EBF1: variants seen among roughly 807,000 people sequenced by gnomAD.
EBF1 encodes EBF transcription factor 1.
In EBF1, 10 loss-of-function variants were observed where a neutral mutation model predicts 68.4. That is an observed-to-expected ratio of 0.15 (90% CI 0.09 to 0.25). The LOEUF (loss-of-function observed/expected upper bound fraction) is 0.25. EBF1 is among the 10% of genes least tolerant of loss of function. EBF1 has a pLI of 1.00. For missense variants in EBF1, 509 were observed against 794.4 expected (o/e 0.64, Z 4.32); for synonymous variants, 298 against 299.8 (o/e 0.99, Z 0.06).
At chr5:158,828,734 C>A (rs1786785774) in intron 7 of EBF1, among the ~76,000 whole-genome samples, 1 of 152,054 alleles carries the variant, frequency 6.6e-6, no homozygotes, top group Non-Finnish European at 1.5e-5. Flanking sequence ...TGCATGTAAA[C>A]CTAAAATTAT....
At chr5:158,796,244 G>T in intron 9 of EBF1, 101 bp downstream of exon 9, 1 of 1,256,180 alleles carries the variant, frequency 8.0e-7, no homozygotes, top group Non-Finnish European at 1.0e-6. Flanking sequence ...CCCACCCAGA[G>T]CGGCACCACT....
Position 159,080,603 on chromosome 5 carries a change from C to G in EBF1, c.485+4063G>C, listed in dbSNP as rs567292453. On this transcript the variant is annotated intron_variant, in intron 5 of 15. Coordinates refer to ENST00000313708, the MANE Select transcript of EBF1 (RefSeq NM_024007.5). ...ACTGCGCACCAAGTACTTAGCCCCA[C>G]ACTGCAAATATTGCTGTTACTGCTT... 9.5e-4 allele frequency among the ~76,000 whole-genome samples: 145 copies of G among 152,352 alleles called. 1 individual carries two copies. Among genetic ancestry groups the G allele is most frequent in the African/African-American group, 3.3e-3 (137 of 41,578 alleles).
At chr5:158,900,817 G>A (rs1194533519) in intron 6 of EBF1, among the ~76,000 whole-genome samples, 1 of 152,110 alleles carries the variant, frequency 6.6e-6, no homozygotes, top group African/African-American at 2.4e-5. Context: ...GAAGAGGAAA[G>A]TAAAGTGGAA....
chr5:158,863,909 C>T (rs1795400166), intron 6 of EBF1, among the ~76,000 whole-genome samples: 1 of 152,082 alleles, frequency 6.6e-6, no homozygotes, highest in Non-Finnish European at 1.5e-5. Context: ...GCAGAGACTC[C>T]TCACAGAGTT....
chr5:158,822,736 T>C (rs1785134563), intron 8 of EBF1, among the ~76,000 whole-genome samples: 1 of 152,188 alleles, frequency 6.6e-6, no homozygotes, highest in Non-Finnish European at 1.5e-5. Flanking sequence ...AGGAGGGTGG[T>C]AAAGAGGATG....
At chr5:158,974,314 T>C (rs1756271442) in intron 6 of EBF1, among the ~76,000 whole-genome samples, 1 of 152,222 alleles carries the variant, frequency 6.6e-6, no homozygotes, top group Non-Finnish European at 1.5e-5. Context: ...TGGTAACCTA[T>C]GTTCACAGCC....
chr5:159,017,124 T>A (rs1340399449), intron 6 of EBF1, among the ~76,000 whole-genome samples: 2 of 100,788 alleles, frequency 2.0e-5, no homozygotes, highest in Non-Finnish European at 5.2e-5. Flanking sequence ...TTATTGATGC[T>A]TTTCATAATA....
At chr5:159,072,301 A>G (rs1375967491) in intron 6 of EBF1, among the ~76,000 whole-genome samples, 1 of 152,192 alleles carries the variant, frequency 6.6e-6, no homozygotes, top group East Asian at 1.9e-4. Context: ...AAAATCAACA[A>G]TCGATCTTTT....
rs541896790 is a variant in EBF1 at position 158,840,213 on chromosome 5, G to A, written c.555-103C>T. On this transcript the variant is annotated intron_variant, in intron 6 of 15. Transcript: ENST00000313708. ...GTTGTGCATTCGATTCTCTTTACAT[G>A]TTTTCTGAAATATTCAGCATGGTGT... 4 of 837,194 alleles carry A rather than the reference G, an allele frequency of 4.8e-6. No individual in the cohort carries two copies. The Admixed American group carries it at 8.9e-5, about 19-fold the overall frequency. The allele number at this position is 837,194 out of a possible 1,614,324, so 51.9% of individuals were successfully genotyped here.
chr5:158,796,402 C>T lies in EBF1; in HGVS notation c.852G>A (p.Gly284=), dbSNP rs750477409. 7.4e-5 allele frequency: 120 copies of T among 1,613,610 alleles called. 1 individual carries two copies. The highest frequency in any genetic ancestry group is 9.8e-5 in the Non-Finnish European group (116 of 1,179,764). ...CCTGTAACCCATCAAAGAAATTGTC[C>T]CCTATGATGATCACAGTCGCACCTC... ...TTGGATVIII[G]DNFFDGLQVI... Residue 284 remains glycine (G), a synonymous_variant, in exon 9 of 16, where the codon GGG becomes GGA. Coordinates refer to ENST00000313708, the MANE Select transcript of EBF1 (RefSeq NM_024007.5).
At chr5:158,717,643 T>A (rs561330218) in intron 11 of EBF1, among the ~76,000 whole-genome samples, 1 of 152,176 alleles carries the variant, frequency 6.6e-6, no homozygotes, top group East Asian at 1.9e-4. Context: ...TTTTTTTTTT[T>A]TAAAAATCCC....
rs1164386501 is a variant in EBF1 at position 158,697,085 on chromosome 5, T to C, written c.*2026A>G. 2 of 189,352 alleles carry C rather than the reference T, an allele frequency of 1.1e-5. No individual in the cohort carries two copies. The highest frequency in any genetic ancestry group is 6.2e-5 in the Admixed American group (1 of 16,184). 11.7% of individuals were successfully genotyped at this position (189,352 alleles called of 1,614,324 possible). A position where few individuals can be genotyped will look rare whatever the true frequency, so the allele number is the denominator to read the frequency against. ...ACAAGCAGACTTAAGAAAGAAAGTA[T>C]GTTCATTGATTTCTATGAAGTTTCT... On this transcript the variant is annotated 3_prime_UTR_variant, in exon 16 of 16. Transcript: ENST00000313708.
intron 6 of EBF1, among the ~76,000 whole-genome samples, chr5:158,864,223 C>CA (rs34498854): frequency 0.087 from 5,057 of 58,272 alleles, 561 homozygotes; most frequent in Non-Finnish European, 0.13. Flanking sequence ...GACTCTGTCT[C>CA]AAAAAAAAAA....
chr5:158,853,152 G>A (rs1437643491), intron 6 of EBF1, among the ~76,000 whole-genome samples: 1 of 152,138 alleles, frequency 6.6e-6, no homozygotes, highest in Non-Finnish European at 1.5e-5. Flanking sequence ...TTTTTATTCT[G>A]TTTTGATAAC....
intron 6 of EBF1, among the ~76,000 whole-genome samples, chr5:158,880,307 C>A (rs1562202177): frequency 6.6e-6 from 1 of 152,150 alleles, no homozygotes; most frequent in African/African-American, 2.4e-5. Context: ...ACCTGAGAAA[C>A]CGCAGCTTTA....
intron 13 of EBF1, 82 bp downstream of exon 13, chr5:158,712,888 A>C: frequency 1.5e-6 from 2 of 1,293,240 alleles, no homozygotes; most frequent in Non-Finnish European, 2.0e-6. Context: ...ATAATTTTTT[A>C]ATGTAAAAAT....
intron 6 of EBF1, among the ~76,000 whole-genome samples, chr5:158,881,507 G>A (rs1036024142): frequency 1.3e-5 from 2 of 152,184 alleles, no homozygotes; most frequent in Non-Finnish European, 1.5e-5. Flanking sequence ...AGGGCATTTG[G>A]CTGTCTTTTG....
At chr5:158,706,942 T>C (rs1189317535) in intron 15 of EBF1, among the ~76,000 whole-genome samples, 3 of 152,208 alleles carry the variant, frequency 2.0e-5, no homozygotes, top group Non-Finnish European at 4.4e-5. Context: ...GCTCAATAAA[T>C]GGTGGTTGAC....
chr5:158,768,509 G>A (rs1472737894), intron 10 of EBF1, among the ~76,000 whole-genome samples: 1 of 151,924 alleles, frequency 6.6e-6, no homozygotes, highest in Admixed American at 6.6e-5. Flanking sequence ...ACAAGAAACC[G>A]GTAGGAATGT....
Sources: gnomAD v4.1 joint callset for allele counts (sites outside exome capture counted in the v4.1 genomes callset) on GRCh38, gnomAD v4.1.1 for gene constraint, MANE v1.5 for transcripts, NCBI Gene and HGNC (gene_info 2026-07-23, HGNC 2026-07-21) for gene names.